Variants in FANCI observed in about 807,000 individuals in gnomAD.
FANCI encodes FA complementation group I, also known as Fanconi anemia group I protein.
A neutral mutation model predicts 176.1 loss-of-function variants in FANCI; 156 were observed. That is an observed-to-expected ratio of 0.89 (90% CI 0.78 to 1.01). The LOEUF (loss-of-function observed/expected upper bound fraction) is 1.01. Among genes scored for constraint, FANCI ranks in the 50% least tolerant of loss-of-function variants. The pLI, the probability that FANCI is intolerant of heterozygous loss-of-function variation, is 0.00. For missense variants in FANCI, 1,678 were observed against 1,534.1 expected (o/e 1.09, Z -1.57); for synonymous variants, 613 against 541.7 (o/e 1.13, Z -1.83).
At chr15:89,271,573 A>G (rs1380281289) in intron 10 of FANCI, among the ~76,000 whole-genome samples, 1 of 152,194 alleles carries the variant, frequency 6.6e-6, no homozygotes, top group Non-Finnish European at 1.5e-5. Flanking sequence ...ATCATGGCTC[A>G]CTGCACCCTC....
At chr15:89,308,270 C>G (rs932227310) in intron 34 of FANCI, 6 of 696,180 alleles carry the variant, frequency 8.6e-6, no homozygotes, top group Non-Finnish European at 1.1e-5. Flanking sequence ...TGGCCTCCAC[C>G]TACCAGATGC....
At chr15:89,291,468 TA>T in intron 19 of FANCI, 144 bp from the exon 20 acceptor site, 1 of 687,662 alleles carries the variant, frequency 1.5e-6, no homozygotes, top group Non-Finnish European at 2.6e-6. Flanking sequence ...GCCAAAGAAA[TA>T]AAAACTTGGC....
chr15:89,261,625 A>G lies in FANCI; in HGVS notation c.329A>G (p.Asn110Ser), dbSNP rs368987143. ...FPGPLLVELA[N>S]EFISAVREGS... ...GGACCATTATTGGTTGAATTAGCCA[A>G]TGAGTTTATTAGTGCTGTCAGAGAA... The change falls in exon 5 of 38, where the codon AAT (asparagine) becomes AGT (serine). Residue 110 changes from asparagine (N) to serine (S), a missense_variant. Physicochemically the swap from Asn to Ser is conservative, Grantham distance 46 (BLOSUM62 1). This residue lies in a region of FANCI where 469 missense variants were observed against 436.9 expected (regional missense o/e 1.07). Transcript: ENST00000310775. 5.0e-6 allele frequency: 8 copies of G among 1,614,170 alleles called. No homozygotes were observed. The South Asian group carries it at 6.6e-5, about 13-fold the overall frequency.
intron 9 of FANCI, among the ~76,000 whole-genome samples, chr15:89,267,010 A>AG (rs1364953947): frequency 6.6e-6 from 1 of 150,914 alleles, no homozygotes; most frequent in African/African-American, 2.5e-5. Flanking sequence ...GGGATTATCA[A>AG]GGGAAAGCAT....
Position 89,249,914 on chromosome 15 carries a change from T to C in FANCI, c.84+2183T>C, listed in dbSNP as rs1300020886. On this transcript the variant is annotated intron_variant, in intron 2 of 37. Coordinates refer to ENST00000310775, the MANE Select transcript of FANCI (RefSeq NM_001113378.2). ...ACTTTGATAAGAATATATTATCTTC[T>C]TAAACACATAGAATGTTCATAAAAA... Among the ~76,000 whole-genome samples the C allele has an allele frequency of 2.0e-5, 3 of 152,336 alleles. No individual in the cohort carries two copies. In the South Asian group the frequency reaches 6.2e-4, roughly 32 times the overall value.
At chr15:89,256,237 C>T (rs1315236571) in intron 2 of FANCI, among the ~76,000 whole-genome samples, 1 of 152,172 alleles carries the variant, frequency 6.6e-6, no homozygotes, top group Non-Finnish European at 1.5e-5. Context: ...CTTACCTCTA[C>T]CCACTAGATT....
Position 89,274,296 on chromosome 15 carries a change from G to C in FANCI, c.1104G>C (p.Val368=). 1 of 1,613,598 alleles carries C rather than the reference G, an allele frequency of 6.2e-7. No individual in the cohort carries two copies. Among genetic ancestry groups the C allele is most frequent in the African/African-American group, 1.3e-5 (1 of 75,010 alleles). Residue 368 remains valine, a synonymous_variant, in exon 12 of 38, where the codon GTG becomes GTC. Transcript: ENST00000310775. Reference sequence around the variant, plus strand: ...TTTCAACCATGATCTTGGAAGTAGTGAAGAATAGGTAAGTTGGTGAACCAT... The same window carrying C: ...TTTCAACCATGATCTTGGAAGTAGTCAAGAATAGGTAAGTTGGTGAACCAT... The part of the protein sequence containing the change: ...SYVSTMILEV[V]KNSVHSWDHV...
At chr15:89,260,590 C>G (rs1567142374) in intron 3 of FANCI, 123 bp from the exon 4 acceptor site, 2 of 1,277,650 alleles carry the variant, frequency 1.6e-6, no homozygotes, top group Non-Finnish European at 2.2e-6. Context: ...GTTCTAAGCA[C>G]CGTAGTAATC....
intron 13 of FANCI, 81 bp from the exon 14 acceptor site, chr15:89,278,606 T>C (rs556268734): frequency 8.3e-4 from 849 of 1,018,892 alleles, no homozygotes; most frequent in Non-Finnish European, 1.2e-3. Context: ...CAAACGGTTC[T>C]TCATGCTGCC....
At chr15:89,313,297 A>G (rs1050420564) in intron 35 of FANCI, among the ~76,000 whole-genome samples, 1 of 152,162 alleles carries the variant, frequency 6.6e-6, no homozygotes, top group Non-Finnish European at 1.5e-5. Flanking sequence ...TGTATGGTAT[A>G]TGAATTACAG....
chr15:89,314,233 G>T (rs757475167), intron 35 of FANCI, among the ~76,000 whole-genome samples: 2 of 152,184 alleles, frequency 1.3e-5, no homozygotes, highest in Non-Finnish European at 2.9e-5. Flanking sequence ...TAGGGGGAAA[G>T]ATATATAATC....
At chr15:89,267,153 T>A (rs1460853740) in intron 9 of FANCI, among the ~76,000 whole-genome samples, 1 of 152,010 alleles carries the variant, frequency 6.6e-6, no homozygotes, top group Admixed American at 6.5e-5. Flanking sequence ...AAAACCTATC[T>A]CTACAAAAAG....
intron 9 of FANCI, among the ~76,000 whole-genome samples, chr15:89,265,720 T>G (rs1177007988): frequency 6.6e-6 from 1 of 151,770 alleles, no homozygotes; most frequent in Non-Finnish European, 1.5e-5. Context: ...CGATGGGGTT[T>G]CACCATGTTG....
chr15:89,280,730 T>C (rs1173518422), intron 14 of FANCI, among the ~76,000 whole-genome samples: 2 of 152,350 alleles, frequency 1.3e-5, no homozygotes, highest in African/African-American at 4.8e-5. Flanking sequence ...ACCTCTTTAA[T>C]TCTTTAAAAA....
chr15:89,258,585 A>T, intron 2 of FANCI, 119 bp from the exon 3 acceptor site: 2 of 797,984 alleles, frequency 2.5e-6, no homozygotes, highest in East Asian at 4.9e-5. Flanking sequence ...GGTGTTTGTA[A>T]TACTTGGCGT....
At chr15:89,282,914 A>G (rs1470855765) in intron 16 of FANCI, 6 of 548,396 alleles carry the variant, frequency 1.1e-5, no homozygotes, top group Admixed American at 5.7e-5. Context: ...GAAGTAGAGT[A>G]TCATGAGTTA....
At chr15:89,313,356 T>G (rs1053708114) in intron 35 of FANCI, among the ~76,000 whole-genome samples, 4 of 152,244 alleles carry the variant, frequency 2.6e-5, no homozygotes, top group African/African-American at 9.6e-5. Context: ...ACATGGCTGC[T>G]TCTCAACTCA....
chr15:89,264,666 A>G (rs978861977), intron 9 of FANCI, 59 bp downstream of exon 9: 11 of 1,474,262 alleles, frequency 7.5e-6, no homozygotes, highest in Non-Finnish European at 1.0e-5. Context: ...CTCATTGTGT[A>G]TTTTAGCTAT....
intron 16 of FANCI, 198 bp from the exon 17 acceptor site, chr15:89,282,938 G>A (rs1207146512): frequency 1.7e-6 from 1 of 600,542 alleles, no homozygotes; most frequent in Non-Finnish European, 3.0e-6. Flanking sequence ...ATTGAAAAAA[G>A]TCAGTTGAAT....
Sources: allele counts gnomAD v4.1 joint callset (sites outside exome capture counted in the v4.1 genomes callset), GRCh38; gene constraint gnomAD v4.1.1; regional missense constraint gnomAD v4.1.1; transcripts MANE v1.5; gene names NCBI Gene and HGNC (gene_info 2026-07-23, HGNC 2026-07-21).